AGBL4: variants seen among roughly 807,000 people sequenced by gnomAD.
The protein encoded by AGBL4 is AGBL carboxypeptidase 4.
In AGBL4, 58 loss-of-function variants were observed where a neutral mutation model predicts 66.4. The observed-to-expected ratio is 0.87, with a 90% confidence interval of 0.71 to 1.09. The LOEUF (loss-of-function observed/expected upper bound fraction) is 1.09, where lower values mean the gene tolerates loss of function less well. AGBL4 is among the 50% of genes least tolerant of loss of function. AGBL4 has a pLI of 0.00. For missense variants in AGBL4, 579 were observed against 631.0 expected (o/e 0.92, Z 0.88); for synonymous variants, 234 against 222.9 (o/e 1.05, Z -0.44).
intron 3 of AGBL4, among the ~76,000 whole-genome samples, chr1:49,681,903 C>T (rs1646701578): frequency 6.6e-6 from 1 of 152,096 alleles, no homozygotes; most frequent in African/African-American, 2.4e-5. Context: ...TTTTTCTCTA[C>T]AATTTTCTGG....
intron 3 of AGBL4, among the ~76,000 whole-genome samples, chr1:49,482,497 T>C (rs1646976392): frequency 2.6e-5 from 4 of 152,092 alleles, no homozygotes; most frequent in Non-Finnish European, 5.9e-5. Context: ...CATTTTTAAT[T>C]GTTTTTATAT....
intron 5 of AGBL4, among the ~76,000 whole-genome samples, chr1:48,869,337 C>T (rs1452242093): frequency 1.3e-5 from 2 of 152,154 alleles, no homozygotes; most frequent in Non-Finnish European, 2.9e-5. Context: ...TAACACGGAA[C>T]CAGGCCAGTG....
intron 4 of AGBL4, among the ~76,000 whole-genome samples, chr1:49,143,961 GC>G (rs1004403344): frequency 2.0e-5 from 3 of 152,172 alleles, no homozygotes; most frequent in African/African-American, 7.2e-5. Context: ...CAATGAAAAA[GC>G]AAGACCATTC....
At chr1:49,850,048 C>G in intron 2 of AGBL4, among the ~76,000 whole-genome samples, 1 of 152,148 alleles carries the variant, frequency 6.6e-6, no homozygotes, top group Admixed American at 6.6e-5. Context: ...GTATTCAGGT[C>G]TGGTTGGAAG....
intron 1 of AGBL4, among the ~76,000 whole-genome samples, chr1:49,948,032 A>ATATATTTATATATATATT (rs1655500346): frequency 3.5e-5 from 1 of 28,514 alleles, no homozygotes; most frequent in Non-Finnish European, 6.3e-5. Context: ...ATATAAATAT[A>ATATATTTATATATATATT]TATACATATA....
At chr1:49,045,831 TA>T in intron 4 of AGBL4, 31 bp from the exon 5 acceptor site, 3 of 1,515,950 alleles carry the variant, frequency 2.0e-6, no homozygotes, top group Non-Finnish European at 2.7e-6. Context: ...AATTTGGGCA[TA>T]TGAGACATTC....
intron 1 of AGBL4, among the ~76,000 whole-genome samples, chr1:49,875,919 A>T (rs1274246351): frequency 6.7e-6 from 1 of 148,674 alleles, no homozygotes; most frequent in Non-Finnish European, 1.5e-5. Context: ...GATGATGAGC[A>T]TTTTTTCATG....
At chr1:49,533,279 G>A (rs1651290228) in intron 3 of AGBL4, among the ~76,000 whole-genome samples, 1 of 152,076 alleles carries the variant, frequency 6.6e-6, no homozygotes, top group Admixed American at 6.6e-5. Context: ...CTCTGACTCT[G>A]CGCTTCTAAA....
At chr1:48,657,260 T>G (rs1199361297) in intron 7 of AGBL4, among the ~76,000 whole-genome samples, 5 of 152,162 alleles carry the variant, frequency 3.3e-5, no homozygotes, top group Non-Finnish European at 7.4e-5. Flanking sequence ...ATAAGCAAAG[T>G]GGTACACAGT....
chr1:49,278,555 G>A (rs1644216577), intron 3 of AGBL4, among the ~76,000 whole-genome samples: 1 of 152,124 alleles, frequency 6.6e-6, no homozygotes, highest in Non-Finnish European at 1.5e-5. Flanking sequence ...GCCTGCAGGA[G>A]GTAAACCAAC....
chr1:49,168,228 A>G (rs1353328836), intron 4 of AGBL4, among the ~76,000 whole-genome samples: 1 of 152,192 alleles, frequency 6.6e-6, no homozygotes, highest in African/African-American at 2.4e-5. Flanking sequence ...TCAATCTTGT[A>G]TCTTGATGCA....
At chr1:49,831,901 G>T (rs185052118) in intron 2 of AGBL4, among the ~76,000 whole-genome samples, 2 of 152,000 alleles carry the variant, frequency 1.3e-5, no homozygotes, top group African/African-American at 4.8e-5. Flanking sequence ...TTTATGTGAT[G>T]AATTACATTT....
rs1053372275 is a variant in AGBL4 at position 49,331,767 on chromosome 1, G to T, written c.283-85903C>A. 2.6e-5 allele frequency among the ~76,000 whole-genome samples: 4 copies of T among 152,124 alleles called. No homozygotes were observed. The South Asian group carries it at 8.3e-4, about 32-fold the overall frequency. Reference sequence around the variant, plus strand: ...AGCCTAAATGGTCTGGGTGTGGAAGGTAACACAGCACAACACAGCACTGAA... The same window carrying T: ...AGCCTAAATGGTCTGGGTGTGGAAGTTAACACAGCACAACACAGCACTGAA... On this transcript the variant is annotated intron_variant, in intron 3 of 13. Transcript: ENST00000371839.
intron 5 of AGBL4, among the ~76,000 whole-genome samples, chr1:48,975,168 C>T (rs1304302336): frequency 6.6e-6 from 1 of 151,968 alleles, no homozygotes; most frequent in East Asian, 1.9e-4. Flanking sequence ...TGGAATATCC[C>T]CTCCAAAGTG....
At chr1:49,930,709 G>A (rs772040454) in intron 1 of AGBL4, among the ~76,000 whole-genome samples, 17 of 152,002 alleles carry the variant, frequency 1.1e-4, no homozygotes, top group Non-Finnish European at 8.8e-5. Context: ...ATATGATGAC[G>A]TCAAATACCC....
At chr1:48,600,981 T>C (rs1408066174) in intron 9 of AGBL4, among the ~76,000 whole-genome samples, 3 of 152,130 alleles carry the variant, frequency 2.0e-5, no homozygotes, top group Admixed American at 2.0e-4. Context: ...CGTCTATGCC[T>C]GGAAACAGAG....
intron 3 of AGBL4, among the ~76,000 whole-genome samples, chr1:49,546,246 T>C (rs1355718549): frequency 6.6e-6 from 1 of 151,940 alleles, no homozygotes; most frequent in Non-Finnish European, 1.5e-5. Context: ...TATTCCATCA[T>C]ATATATGTGT....
intron 2 of AGBL4, among the ~76,000 whole-genome samples, chr1:49,767,574 A>T (rs1367279963): frequency 6.6e-6 from 1 of 152,030 alleles, no homozygotes; most frequent in African/African-American, 2.4e-5. Context: ...AACAACCACA[A>T]CATAAGCGGA....
chr1:49,243,732 G>A (rs1651418365), intron 4 of AGBL4, among the ~76,000 whole-genome samples: 1 of 151,780 alleles, frequency 6.6e-6, no homozygotes, highest in Non-Finnish European at 1.5e-5. Context: ...CTGGCTTGAG[G>A]AAAGGAAACT....
Sources: gnomAD v4.1 joint callset for allele counts (sites outside exome capture counted in the v4.1 genomes callset) on GRCh38, gnomAD v4.1.1 for gene constraint, MANE v1.5 for transcripts, NCBI Gene and HGNC (gene_info 2026-07-23, HGNC 2026-07-21) for gene names.